COL25A1: variants seen among roughly 807,000 people sequenced by gnomAD.
COL25A1 encodes the protein collagen alpha-1(XXV) chain.
COL25A1 carries 103 observed loss-of-function variants against 128.4 expected under a neutral mutation model. The ratio of observed to expected loss-of-function variants is 0.80; its 90% CI spans 0.68 to 0.94. The LOEUF (loss-of-function observed/expected upper bound fraction) is 0.94. COL25A1 is among the 40% of genes least tolerant of loss of function. COL25A1 has a pLI of 0.00. For synonymous variants in COL25A1, 279 were observed against 277.2 expected (o/e 1.01, Z -0.06); for missense variants, 745 against 840.0 (o/e 0.89, Z 1.40).
chr4:108,955,534 A>G (rs1188319257), intron 8 of COL25A1, among the ~76,000 whole-genome samples: 2 of 152,102 alleles, frequency 1.3e-5, no homozygotes, highest in Non-Finnish European at 2.9e-5. Flanking sequence ...TTCCTTCTTT[A>G]TGAATATCTT....
chr4:109,145,886 TC>T (rs1163540479), intron 3 of COL25A1, among the ~76,000 whole-genome samples: 3 of 152,154 alleles, frequency 2.0e-5, no homozygotes, highest in African/African-American at 4.8e-5. Flanking sequence ...TATAAAATAC[TC>T]ATCTTTACCA....
intron 8 of COL25A1, among the ~76,000 whole-genome samples, chr4:108,963,763 A>T (rs1750992242): frequency 6.6e-6 from 1 of 151,864 alleles, no homozygotes; most frequent in African/African-American, 2.4e-5. Context: ...CACTTGTAAA[A>T]ATCCCAACAA....
chr4:109,074,466 A>T (rs1043760103), intron 3 of COL25A1, among the ~76,000 whole-genome samples: 3 of 152,204 alleles, frequency 2.0e-5, no homozygotes, highest in Non-Finnish European at 4.4e-5. Flanking sequence ...AAAAATTCCC[A>T]TTGTCGTAGA....
chr4:108,983,688 G>C (rs565479442), intron 6 of COL25A1, among the ~76,000 whole-genome samples: 59 of 152,124 alleles, frequency 3.9e-4, no homozygotes, highest in Admixed American at 9.8e-4. Flanking sequence ...TCATGGTCTC[G>C]CTGGCTCAGG....
chr4:109,005,452 C>G (rs116146538), intron 6 of COL25A1, among the ~76,000 whole-genome samples: 3,133 of 152,168 alleles, frequency 0.021, 56 homozygotes, highest in Non-Finnish European at 0.034. Context: ...ATTTACAACC[C>G]TTTTTTGGGG....
intron 3 of COL25A1, among the ~76,000 whole-genome samples, chr4:109,130,124 T>C (rs1579460027): frequency 6.6e-6 from 1 of 152,026 alleles, no homozygotes; most frequent in Admixed American, 6.6e-5. Context: ...AGAATATACA[T>C]ACATACATAT....
chr4:109,099,095 T>C (rs1765660686), intron 3 of COL25A1, among the ~76,000 whole-genome samples: 1 of 152,240 alleles, frequency 6.6e-6, no homozygotes, highest in Admixed American at 6.5e-5. Flanking sequence ...TTTACACTAT[T>C]TTCTAATGAT....
At chr4:109,253,557 G>C (rs1301214640) in intron 3 of COL25A1, among the ~76,000 whole-genome samples, 1 of 152,126 alleles carries the variant, frequency 6.6e-6, no homozygotes, top group African/African-American at 2.4e-5. Flanking sequence ...CACTGTAATA[G>C]ACACATCCAG....
chr4:109,285,071 T>G (rs1318440632), intron 3 of COL25A1, among the ~76,000 whole-genome samples: 1 of 151,912 alleles, frequency 6.6e-6, no homozygotes, highest in Non-Finnish European at 1.5e-5. Flanking sequence ...TCAGGCCACA[T>G]CTGGAGCTTC....
At chr4:109,007,550 C>T (rs1296175582) in intron 6 of COL25A1, among the ~76,000 whole-genome samples, 4 of 95,294 alleles carry the variant, frequency 4.2e-5, no homozygotes, top group Non-Finnish European at 7.6e-5. Flanking sequence ...AATACCTATC[C>T]TTCCTCAATT....
intron 6 of COL25A1, among the ~76,000 whole-genome samples, chr4:108,983,450 T>C (rs1753240656): frequency 6.6e-6 from 1 of 152,218 alleles, no homozygotes; most frequent in Admixed American, 6.5e-5. Flanking sequence ...TGTTTCCTAA[T>C]ATATTGTCCC....
intron 14 of COL25A1, among the ~76,000 whole-genome samples, chr4:108,900,777 T>C (rs1282103410): frequency 1.3e-5 from 2 of 152,128 alleles, no homozygotes; most frequent in Non-Finnish European, 2.9e-5. Context: ...ATAAAAATTT[T>C]AGGCAATATG....
intron 3 of COL25A1, among the ~76,000 whole-genome samples, chr4:109,105,787 A>G (rs1292162035): frequency 6.6e-6 from 1 of 152,214 alleles, no homozygotes; most frequent in Non-Finnish European, 1.5e-5. Context: ...AAGATATTAA[A>G]TAAAACCCCA....
intron 3 of COL25A1, among the ~76,000 whole-genome samples, chr4:109,285,696 A>G (rs1723810161): frequency 6.6e-6 from 1 of 152,212 alleles, no homozygotes; most frequent in African/African-American, 2.4e-5. Flanking sequence ...AACAAATTTT[A>G]TAAACTTACT....
At chr4:109,099,690 C>T (rs1765717414) in intron 3 of COL25A1, among the ~76,000 whole-genome samples, 1 of 150,504 alleles carries the variant, frequency 6.6e-6, no homozygotes, top group Non-Finnish European at 1.5e-5. Flanking sequence ...TATCCCAAAA[C>T]ACCATAAATT....
chr4:108,982,181 G>A (rs1309191564), intron 6 of COL25A1, among the ~76,000 whole-genome samples: 2 of 152,138 alleles, frequency 1.3e-5, no homozygotes, highest in Non-Finnish European at 2.9e-5. Context: ...GCAACAGAGT[G>A]AGACTCTGTC....
At chr4:109,212,525 G>A (rs999382560) in intron 3 of COL25A1, among the ~76,000 whole-genome samples, 1 of 152,068 alleles carries the variant, frequency 6.6e-6, no homozygotes, top group African/African-American at 2.4e-5. Context: ...CACTTTATTG[G>A]TTAAGAAATC....
intron 3 of COL25A1, among the ~76,000 whole-genome samples, chr4:109,163,268 C>T (rs1031601669): frequency 1.3e-5 from 2 of 152,194 alleles, no homozygotes; most frequent in Non-Finnish European, 2.9e-5. Flanking sequence ...TTTCAACCTA[C>T]GTGGTCAAAT....
At chr4:108,823,807 G>T in intron 35 of COL25A1, 2 of 730,086 alleles carry the variant, frequency 2.7e-6, no homozygotes, top group Non-Finnish European at 3.8e-6. Flanking sequence ...TGCTGCCTTT[G>T]CAGGGTTCAA....
Sources: allele counts gnomAD v4.1 joint callset (sites outside exome capture counted in the v4.1 genomes callset), GRCh38; gene constraint gnomAD v4.1.1; transcripts MANE v1.5; gene names NCBI Gene and HGNC (gene_info 2026-07-23, HGNC 2026-07-21).